The following C9orf43 variants were observed in gnomAD, a reference collection of about 807,000 sequenced individuals.
The protein encoded by C9orf43 is chromosome 9 open reading frame 43, also known as uncharacterized protein C9orf43.
Under a neutral mutation model 59.1 loss-of-function variants are expected in C9orf43, and 45 were observed. The observed-to-expected ratio is 0.76, with a 90% CI of 0.60 to 0.98. The LOEUF (loss-of-function observed/expected upper bound fraction) is 0.98, where lower values mean the gene tolerates loss of function less well. Ranked by LOEUF, C9orf43 falls within the 50% of genes least tolerant of loss-of-function variation. C9orf43 has a pLI of 0.00. For synonymous variants in C9orf43, 203 were observed against 196.8 expected (o/e 1.03, Z -0.26); for missense variants, 533 against 554.9 (o/e 0.96, Z 0.40).
chr9:113,419,866 A>G (rs1828501473), intron 4 of C9orf43, among the ~76,000 whole-genome samples: 1 of 152,160 alleles, frequency 6.6e-6, no homozygotes, highest in South Asian at 2.1e-4. Flanking sequence ...ATTTAGGAAG[A>G]AAAAACCCTC....
chr9:113,423,542 T>G, intron 7 of C9orf43, 44 bp downstream of exon 7: 1 of 1,580,508 alleles, frequency 6.3e-7, no homozygotes, highest in Non-Finnish European at 8.7e-7. Flanking sequence ...GCACCTGCTT[T>G]TTACTGAAGC....
At chr9:113,426,859 T>A (rs753119449) in intron 11 of C9orf43, among the ~76,000 whole-genome samples, 10 of 152,174 alleles carry the variant, frequency 6.6e-5, no homozygotes, top group Non-Finnish European at 1.3e-4. Flanking sequence ...CTGTCCTCAC[T>A]GAGTTGAGAA....
chr9:113,424,912 C>G (rs1828724987), intron 8 of C9orf43, 107 bp from the exon 9 acceptor site: 2 of 949,616 alleles, frequency 2.1e-6, no homozygotes, highest in East Asian at 5.1e-5. Flanking sequence ...ACACTGGGTT[C>G]TTAAAATGTG....
intron 4 of C9orf43, 102 bp downstream of exon 4, chr9:113,419,267 A>G: frequency 1.2e-6 from 1 of 857,676 alleles, no homozygotes; most frequent in Non-Finnish European, 1.8e-6. Context: ...GAGGACTAAA[A>G]TCTGAATAGT....
intron 1 of C9orf43, among the ~76,000 whole-genome samples, chr9:113,411,520 C>G (rs1037410137): frequency 6.6e-6 from 1 of 152,062 alleles, no homozygotes; most frequent in Admixed American, 6.5e-5. Context: ...AAGATGGTCT[C>G]GATCTCCTGA....
rs1828697760 is a variant in C9orf43, at chr9:113,424,256, C to T, written c.747C>T (p.Asn249=). 1.2e-6 allele frequency: 2 copies of T among 1,614,030 alleles called. No homozygotes were observed. The highest frequency in any genetic ancestry group is 1.7e-5 in the Admixed American group (1 of 60,000). ...AAAAGAATCTTCCCTTGGAAAAGAA[C>T]CGACCTGACAGTGTGATTTCTTCTA... The part of the protein sequence containing the change: ...MMKKNLPLEK[N]RPDSVISSKM... Residue 249 remains asparagine, a synonymous_variant, in exon 8 of 14, where the codon AAC becomes AAT. Coordinates refer to ENST00000374165, the MANE Select transcript of C9orf43 (RefSeq NM_001278629.2).
rs147595352 is a variant in C9orf43 at position 113,424,232 on chromosome 9, A to T, written c.723A>T (p.Lys241Asn). The change falls in exon 8 of 14, where the codon AAA becomes AAT. Residue 241 changes from lysine to asparagine, a missense_variant. Lys to Asn is a moderately conservative substitution (Grantham distance 94). Coordinates refer to ENST00000374165, the MANE Select transcript of C9orf43 (RefSeq NM_001278629.2). ...PEMKIKLAMM[K>N]KNLPLEKNRP... ...TGAAGATAAAATTGGCCATGATGAA[A>T]AAGAATCTTCCCTTGGAAAAGAACC... 253 of 1,613,960 alleles carry T rather than the reference A, an allele frequency of 1.6e-4. No individual in the cohort carries two copies. Among genetic ancestry groups the T allele is most frequent in the Non-Finnish European group, 2.0e-4 (232 of 1,179,990 alleles).
intron 5 of C9orf43, among the ~76,000 whole-genome samples, 186 bp from the exon 6 acceptor site, chr9:113,422,363 C>T (rs1212974464): frequency 6.6e-6 from 1 of 152,150 alleles, no homozygotes; most frequent in Non-Finnish European, 1.5e-5. Flanking sequence ...ACTTGGGCAG[C>T]AGTTACTGCT....
chr9:113,428,368 A>G lies in C9orf43; in HGVS notation c.1107+145A>G, dbSNP rs1052994821. ...AGTTGTTCTTCTCCTGCTTGAGGTC[A>G]CTTAATGCAGCTGGGCTGAGGCTGT... On this transcript the variant is annotated intron_variant, in intron 12 of 13. Coordinates refer to ENST00000374165, the MANE Select transcript of C9orf43 (RefSeq NM_001278629.2). 1.8e-5 allele frequency: 15 copies of G among 850,808 alleles called. No homozygotes were observed. In the African/African-American group the frequency reaches 2.4e-4, roughly 13 times the overall value. 52.7% of individuals were successfully genotyped at this position (850,808 alleles called of 1,614,324 possible).
At chr9:113,417,279 C>T (rs890520414) in intron 3 of C9orf43, among the ~76,000 whole-genome samples, 8 of 152,246 alleles carry the variant, frequency 5.3e-5, no homozygotes, top group African/African-American at 1.7e-4. Context: ...CTGATACTCT[C>T]TCTTCCAAAC....
rs1289399108 is a variant in C9orf43, at chr9:113,423,329, A to G, written c.487A>G (p.Ser163Gly). 2.5e-6 allele frequency: 4 copies of G among 1,613,270 alleles called. No homozygotes were observed. Among genetic ancestry groups the G allele is most frequent in the Non-Finnish European group, 3.4e-6 (4 of 1,179,306 alleles). ...CTTTCCATTGTTTCTCTTCCAGAAA[A>G]GCAAGTCATTTCTGGGTCTCTCTGG... ...KKKRKNSAVKSKSFLGLSGNQ... is the reference protein window; with the variant it reads ...KKKRKNSAVKGKSFLGLSGNQ... Residue 163 changes from serine (S) to glycine (G), a missense_variant, in exon 7 of 14, where the codon AGC becomes GGC. Transcript: ENST00000374165.
Position 113,428,232 on chromosome 9 carries a change from G to A in C9orf43, c.1107+9G>A. On this transcript the variant is annotated intron_variant, in intron 12 of 13. Transcript: ENST00000374165. Reference sequence around the variant, plus strand: ...GAACCACTTCGAAACAGGTGAGAGTGTACCAAGGCCTCTGCTAGGACCCAG... The same window carrying A: ...GAACCACTTCGAAACAGGTGAGAGTATACCAAGGCCTCTGCTAGGACCCAG... 1 of 1,613,360 alleles carries A rather than the reference G, an allele frequency of 6.2e-7. No homozygotes were observed. The highest frequency in any genetic ancestry group is 8.5e-7 in the Non-Finnish European group (1 of 1,179,260).
At position 113,424,298 on chromosome 9, in the gene C9orf43, A is replaced by C; in HGVS notation, c.789A>C (p.Ile263=). The change falls in exon 8 of 14, where the codon ATA becomes ATC. Residue 263 remains isoleucine (I), a synonymous_variant. Coordinates refer to ENST00000374165, the MANE Select transcript of C9orf43 (RefSeq NM_001278629.2). ...SVISSKMFLS[I]HRLTLERPAL... The stretch of plus-strand genomic sequence containing the variant: ...TTTCTTCTAAGATGTTTCTATCTAT[A>C]CACCGCCTCACCCTGGAAGTAAGAG... The C allele has an allele frequency of 6.2e-7, 1 of 1,612,144 alleles. No homozygotes were observed. Among genetic ancestry groups the C allele is most frequent in the Non-Finnish European group, 8.5e-7 (1 of 1,179,308 alleles).
intron 11 of C9orf43, among the ~76,000 whole-genome samples, chr9:113,427,124 G>A (rs1828820819): frequency 6.6e-6 from 1 of 152,186 alleles, no homozygotes; most frequent in Admixed American, 6.5e-5. Flanking sequence ...ATCCAGGCCA[G>A]TGGTGCTCCG....
intron 3 of C9orf43, among the ~76,000 whole-genome samples, chr9:113,415,802 A>G (rs1188368523): frequency 6.6e-6 from 1 of 152,202 alleles, no homozygotes; most frequent in African/African-American, 2.4e-5. Flanking sequence ...GTTACCTGGA[A>G]TAAAGCACCA....
At chr9:113,421,760 T>C (rs1371715439) in intron 5 of C9orf43, among the ~76,000 whole-genome samples, 3 of 152,228 alleles carry the variant, frequency 2.0e-5, no homozygotes, top group Admixed American at 6.5e-5. Flanking sequence ...TGATGAAACT[T>C]AAGAATTTCT....
At chr9:113,412,067 A>G (rs933811116) in intron 1 of C9orf43, among the ~76,000 whole-genome samples, 1 of 152,176 alleles carries the variant, frequency 6.6e-6, no homozygotes, top group Non-Finnish European at 1.5e-5. Context: ...AAGCCTGATT[A>G]TAGAGAAATA....
chr9:113,425,758 G>T (rs1200887789), intron 11 of C9orf43, 28 bp downstream of exon 11: 3 of 1,568,498 alleles, frequency 1.9e-6, no homozygotes, highest in African/African-American at 2.7e-5. Flanking sequence ...TTGGTTGGGG[G>T]TGATAGGATC....
chr9:113,418,981 A>C (rs1238341887), intron 3 of C9orf43, 127 bp from the exon 4 acceptor site: 40 of 686,518 alleles, frequency 5.8e-5, no homozygotes, highest in South Asian at 3.2e-4. Context: ...GAGATCCTAC[A>C]TTCATTTGGT....
Sources: allele counts gnomAD v4.1 joint callset (sites outside exome capture counted in the v4.1 genomes callset), GRCh38; gene constraint gnomAD v4.1.1; transcripts MANE v1.5; gene names NCBI Gene and HGNC (gene_info 2026-07-23, HGNC 2026-07-21).